CCDC91: variants seen among roughly 807,000 people sequenced by gnomAD.
CCDC91 encodes the protein coiled-coil domain containing 91, also known as coiled-coil domain-containing protein 91.
A neutral mutation model predicts 63.2 loss-of-function variants in CCDC91; 48 were observed. The ratio of observed to expected loss-of-function variants is 0.76; its 90% CI spans 0.60 to 0.97. The LOEUF is 0.97. Among genes scored for constraint, CCDC91 ranks in the 50% least tolerant of loss-of-function variants. CCDC91 has a pLI of 0.00. For missense variants in CCDC91, 500 were observed against 494.6 expected (o/e 1.01, Z -0.10); for synonymous variants, 167 against 165.8 (o/e 1.01, Z -0.06).
intron 6 of CCDC91, among the ~76,000 whole-genome samples, chr12:28,321,482 C>T (rs954312454): frequency 1.1e-4 from 16 of 151,814 alleles, no homozygotes; most frequent in African/African-American, 3.1e-4. Flanking sequence ...CCCTAAAATT[C>T]GTACATTGAT....
At chr12:28,340,784 A>G (rs1942359300) in intron 6 of CCDC91, among the ~76,000 whole-genome samples, 2 of 152,076 alleles carry the variant, frequency 1.3e-5, no homozygotes, top group Admixed American at 6.6e-5. Context: ...GTGCTCTTTT[A>G]GTTTAGCCAT....
In CCDC91 at chr12:28,306,790, G is replaced by C; in HGVS notation, c.316G>C (p.Gly106Arg). ...THLDISLFPL[G>R]LTDEKSNGTI... ...TCTGGATATCTCACTTTTTCCATTG[G>C]GTTTAACTGATGAAAAAAGTAATGG... The change falls in exon 5 of 13, where the codon GGT (glycine) becomes CGT (arginine). Residue 106 changes from glycine to arginine, a missense_variant. Physicochemically the swap from Gly to Arg is moderately radical, Grantham distance 125. Coordinates refer to ENST00000536442, the MANE Select transcript of CCDC91 (RefSeq NM_018318.5). 1 of 1,611,576 alleles carries C rather than the reference G, an allele frequency of 6.2e-7. No homozygotes were observed. The highest frequency in any genetic ancestry group is 8.5e-7 in the Non-Finnish European group (1 of 1,178,608).
chr12:28,238,679 T>G (rs1254108278), intron 1 of CCDC91, among the ~76,000 whole-genome samples: 2 of 152,134 alleles, frequency 1.3e-5, no homozygotes, highest in Non-Finnish European at 2.9e-5. Flanking sequence ...GTAGGGGAAT[T>G]GTGAATGTAT....
At chr12:28,329,857 C>T (rs1358552860) in intron 6 of CCDC91, among the ~76,000 whole-genome samples, 1 of 152,088 alleles carries the variant, frequency 6.6e-6, no homozygotes, top group African/African-American at 2.4e-5. Flanking sequence ...TGAGTGAGAA[C>T]ATGTGGTGTT....
At chr12:28,296,397 G>T (rs1469260505) in intron 3 of CCDC91, among the ~76,000 whole-genome samples, 2 of 151,806 alleles carry the variant, frequency 1.3e-5, no homozygotes. Flanking sequence ...GCGAGTAGAG[G>T]TGGAGTCTTT....
chr12:28,454,305 G>A (rs1949958821), intron 11 of CCDC91, among the ~76,000 whole-genome samples: 1 of 152,136 alleles, frequency 6.6e-6, no homozygotes. Context: ...TACTGGTGAA[G>A]ACCCACACCA....
intron 8 of CCDC91, among the ~76,000 whole-genome samples, chr12:28,441,104 T>G (rs1339406525): frequency 1.4e-5 from 1 of 71,500 alleles, no homozygotes; most frequent in East Asian, 3.4e-4. Context: ...AAGAAAGAAC[T>G]TAGAAAATAT....
intron 12 of CCDC91, among the ~76,000 whole-genome samples, chr12:28,535,829 C>A (rs1229315366): frequency 1.3e-5 from 2 of 151,958 alleles, no homozygotes; most frequent in Non-Finnish European, 2.9e-5. Flanking sequence ...GAGATCAAGA[C>A]CATCCTGGCT....
intron 12 of CCDC91, among the ~76,000 whole-genome samples, chr12:28,535,530 C>T (rs1219935052): frequency 6.6e-6 from 1 of 152,180 alleles, no homozygotes; most frequent in African/African-American, 2.4e-5. Context: ...ATGACTAATT[C>T]ATATGGTATT....
chr12:28,534,836 T>C (rs1164406547), intron 12 of CCDC91, among the ~76,000 whole-genome samples: 2 of 152,204 alleles, frequency 1.3e-5, no homozygotes. Context: ...CCAAACGTTA[T>C]TCCTGCTTTC....
intron 8 of CCDC91, among the ~76,000 whole-genome samples, chr12:28,401,527 G>A (rs1946622333): frequency 6.6e-6 from 1 of 152,158 alleles, no homozygotes; most frequent in Non-Finnish European, 1.5e-5. Flanking sequence ...CATGGCAGAG[G>A]AGCTGCTTCA....
intron 3 of CCDC91, among the ~76,000 whole-genome samples, chr12:28,300,804 T>TCTTA (rs1455320924): frequency 6.6e-6 from 1 of 151,614 alleles, no homozygotes; most frequent in African/African-American, 2.4e-5. Flanking sequence ...GTTTTAAAGT[T>TCTTA]TTCCTCACAT....
intron 6 of CCDC91, among the ~76,000 whole-genome samples, chr12:28,335,416 A>AAT (rs1454205907): frequency 5.0e-4 from 70 of 141,402 alleles, no homozygotes; most frequent in South Asian, 3.8e-3. Flanking sequence ...AATATATAAA[A>AAT]ATACATATAT....
intron 6 of CCDC91, among the ~76,000 whole-genome samples, chr12:28,354,753 A>G (rs1159142036): frequency 6.6e-6 from 1 of 152,202 alleles, no homozygotes; most frequent in African/African-American, 2.4e-5. Flanking sequence ...TTTGGAGACC[A>G]GACTTAAAGT....
At chr12:28,268,725 T>C in intron 3 of CCDC91, 1 of 932,046 alleles carries the variant, frequency 1.1e-6, no homozygotes, top group Non-Finnish European at 1.3e-6. Flanking sequence ...TCAGTAGGGA[T>C]GGCATGGGGA....
At chr12:28,256,378 A>G (rs983851775) in intron 1 of CCDC91, among the ~76,000 whole-genome samples, 1 of 150,826 alleles carries the variant, frequency 6.6e-6, no homozygotes, top group Non-Finnish European at 1.5e-5. Flanking sequence ...TACTAATTTC[A>G]CCTTTTCAGG....
In CCDC91 at chr12:28,342,484, A is replaced by C. The variant is rs531448996; in HGVS notation, c.577-19954A>C. 2.6e-5 allele frequency among the ~76,000 whole-genome samples: 4 copies of C among 152,276 alleles called. No homozygotes were observed. The South Asian group carries it at 8.3e-4, about 32-fold the overall frequency. The stretch of plus-strand genomic sequence containing the variant: ...GATTTAAGAGAATGAGAGGAAAGGA[A>C]GTGGAATCAGGATGAGTATAGAAAA... On this transcript the variant is annotated intron_variant, in intron 6 of 12. Coordinates refer to ENST00000536442, the MANE Select transcript of CCDC91 (RefSeq NM_018318.5).
chr12:28,348,775 G>A (rs1942988684), intron 6 of CCDC91, among the ~76,000 whole-genome samples: 1 of 151,898 alleles, frequency 6.6e-6, no homozygotes, highest in Non-Finnish European at 1.5e-5. Flanking sequence ...CCAAGCTGGA[G>A]TGCAGTGGTG....
intron 12 of CCDC91, among the ~76,000 whole-genome samples, chr12:28,519,617 C>T (rs1436073553): frequency 2.0e-5 from 3 of 151,278 alleles, no homozygotes; most frequent in Middle Eastern, 3.4e-3. Flanking sequence ...ACGTGCACAA[C>T]GTGCAGGTTT....
Sources: allele counts gnomAD v4.1 joint callset (sites outside exome capture counted in the v4.1 genomes callset), GRCh38; gene constraint gnomAD v4.1.1; transcripts MANE v1.5; gene names NCBI Gene and HGNC (gene_info 2026-07-23, HGNC 2026-07-21).